The following FCRL2 variants were observed in gnomAD, a reference collection of about 807,000 sequenced individuals.
FCRL2 encodes the protein Fc receptor like 2, also known as Fc receptor-like protein 2.
A neutral mutation model predicts 59.8 loss-of-function variants in FCRL2; 48 were observed. The observed-to-expected ratio is 0.80, with a 90% CI of 0.64 to 1.02. The LOEUF is 1.02. Ranked by LOEUF, FCRL2 falls within the 50% of genes least tolerant of loss-of-function variation. The pLI, the probability that FCRL2 is intolerant of heterozygous loss-of-function variation, is 0.00. For synonymous variants in FCRL2, 251 were observed against 229.5 expected (o/e 1.09, Z -0.85); for missense variants, 658 against 597.3 (o/e 1.10, Z -1.06).
chr1:157,759,083 C>T (rs558731535), intron 7 of FCRL2, among the ~76,000 whole-genome samples: 1 of 152,294 alleles, frequency 6.6e-6, no homozygotes, highest in East Asian at 1.9e-4. Flanking sequence ...AATCATGGGG[C>T]TGGTTACCCC....
rs1297084927 is a variant in FCRL2 at position 157,767,223 on chromosome 1, C to T, written c.1162+8G>A. ...ATCAAACTCTGTATCCAGGTAACAC[C>T]CACCCACCTGAGATGGAGACTGGCA... On this transcript the variant is annotated splice_region_variant and intron_variant, in intron 6 of 11. Coordinates refer to ENST00000361516, the MANE Select transcript of FCRL2 (RefSeq NM_030764.4). 2 of 1,607,202 alleles carry T rather than the reference C, an allele frequency of 1.2e-6. No homozygotes were observed. The highest frequency in any genetic ancestry group is 1.7e-6 in the Non-Finnish European group (2 of 1,176,728).
At chr1:157,748,728 C>T in intron 9 of FCRL2, 110 bp from the exon 10 acceptor site, 1 of 1,212,112 alleles carries the variant, frequency 8.3e-7, no homozygotes, top group Non-Finnish European at 1.2e-6. Context: ...TCAACCCCAA[C>T]ATGATTCTGA....
intron 2 of FCRL2, among the ~76,000 whole-genome samples, chr1:157,774,845 G>C (rs1265404231): frequency 6.6e-6 from 1 of 152,084 alleles, no homozygotes; most frequent in East Asian, 1.9e-4. Context: ...TTCCCACACT[G>C]TTCCTTAGAG....
chr1:157,760,131 T>C (rs78718788), intron 7 of FCRL2, among the ~76,000 whole-genome samples: 2,707 of 152,282 alleles, frequency 0.018, 72 homozygotes, highest in African/African-American at 0.061. Context: ...GAGATTATGT[T>C]CTTTGCAGCA....
chr1:157,750,865 A>T (rs1430512815), intron 7 of FCRL2, among the ~76,000 whole-genome samples: 3 of 152,220 alleles, frequency 2.0e-5, no homozygotes, highest in Non-Finnish European at 2.9e-5. Context: ...CTATCTAAGC[A>T]CTTTTGAATA....
In FCRL2 at chr1:157,777,113, G is replaced by T; in HGVS notation, c.-40C>A. ...GCTATTTGAAAAGAGATGTACTCTT[G>T]GTCACCAACTGGAGACTCTGAGCAG... On this transcript the variant is annotated 5_prime_UTR_variant, in exon 1 of 12. Coordinates refer to ENST00000361516, the MANE Select transcript of FCRL2 (RefSeq NM_030764.4). 1 of 1,613,984 alleles carries T rather than the reference G, an allele frequency of 6.2e-7. No homozygotes were observed. The highest frequency in any genetic ancestry group is 1.1e-5 in the South Asian group (1 of 91,060).
chr1:157,749,107 A>C (rs1647991495), intron 8 of FCRL2, 147 bp from the exon 9 acceptor site: 3 of 579,762 alleles, frequency 5.2e-6, no homozygotes, highest in Non-Finnish European at 8.9e-6. Context: ...TAGACTATCT[A>C]CTTTGATATG....
At chr1:157,764,387 C>T (rs1649342394) in intron 7 of FCRL2, among the ~76,000 whole-genome samples, 1 of 152,144 alleles carries the variant, frequency 6.6e-6, no homozygotes, top group Non-Finnish European at 1.5e-5. Context: ...GGTAATTCAA[C>T]ACTTCACTCT....
At chr1:157,764,320 T>C (rs527280560) in intron 7 of FCRL2, among the ~76,000 whole-genome samples, 14 of 152,132 alleles carry the variant, frequency 9.2e-5, no homozygotes, top group Non-Finnish European at 2.9e-5. Context: ...CCCAAAATCA[T>C]AAAGTAAATA....
intron 2 of FCRL2, chr1:157,774,367 A>G (rs1650250932): frequency 2.2e-6 from 1 of 452,176 alleles, no homozygotes; most frequent in Non-Finnish European, 4.4e-6. Flanking sequence ...GCAGGTATAT[A>G]GCAAAGCCAT....
chr1:157,767,081 G>A (rs747954455), intron 6 of FCRL2, 110 bp from the exon 7 acceptor site: 92 of 1,324,734 alleles, frequency 6.9e-5, no homozygotes, highest in Non-Finnish European at 8.8e-5. Flanking sequence ...TCATTGAAGT[G>A]TAGTCTGTAC....
Position 157,770,651 on chromosome 1 carries a change from A to C in FCRL2, c.68T>G (p.Val23Gly). 1 of 1,614,154 alleles carries C rather than the reference A, an allele frequency of 6.2e-7. No homozygotes were observed. ...VTEQADSLTLVAPSSVFEGDS... is the reference protein window; with the variant it reads ...VTEQADSLTLGAPSSVFEGDS... ...TCCTTCGAAGACAGAAGAGGGCGCCACAAGGGTCAGCGAATCTGGAAGAGA... is the reference window on the plus strand; with the variant it reads ...TCCTTCGAAGACAGAAGAGGGCGCCCCAAGGGTCAGCGAATCTGGAAGAGA... Residue 23 changes from valine to glycine, a missense_variant, in exon 3 of 12, where the codon GTG becomes GGG. By Grantham distance (109) the Val-to-Gly change is moderately radical (BLOSUM62 -3). Transcript: ENST00000361516.
chr1:157,756,662 C>G (rs6427399), intron 7 of FCRL2, among the ~76,000 whole-genome samples: 2,638 of 138,132 alleles, frequency 0.019, 70 homozygotes, highest in African/African-American at 0.069. Context: ...CTGAGTAGCA[C>G]AGTGACACTT....
Position 157,746,731 on chromosome 1 carries a change from A to G in FCRL2, c.*5T>C, listed in dbSNP as rs777938206. Reference sequence around the variant, plus strand: ...GTTGATCTTCCCTTCTGATTCCTCCAAGTGTTATGATTTCTTCACAGAAGA... The same window carrying G: ...GTTGATCTTCCCTTCTGATTCCTCCGAGTGTTATGATTTCTTCACAGAAGA... On this transcript the variant is annotated 3_prime_UTR_variant, in exon 12 of 12. Coordinates refer to ENST00000361516, the MANE Select transcript of FCRL2 (RefSeq NM_030764.4). 3.1e-6 allele frequency: 5 copies of G among 1,613,402 alleles called. No individual in the cohort carries two copies. The highest frequency in any genetic ancestry group is 2.2e-5 in the South Asian group (2 of 91,060).
intron 1 of FCRL2, among the ~76,000 whole-genome samples, chr1:157,776,726 G>A (rs529180260): frequency 6.6e-6 from 1 of 152,302 alleles, no homozygotes; most frequent in African/African-American, 2.4e-5. Context: ...ATTGCTAAAT[G>A]CTAATATTAT....
chr1:157,766,126 A>C (rs796437143), intron 7 of FCRL2, among the ~76,000 whole-genome samples: 54 of 152,320 alleles, frequency 3.5e-4, no homozygotes, highest in African/African-American at 1.1e-3. Context: ...TTTATAAAAA[A>C]GGTGGCTAAA....
At chr1:157,764,530 C>T (rs1258465161) in intron 7 of FCRL2, among the ~76,000 whole-genome samples, 1 of 152,220 alleles carries the variant, frequency 6.6e-6, no homozygotes, top group East Asian at 1.9e-4. Flanking sequence ...GCATTTTTCT[C>T]ACTTGTACAT....
At chr1:157,749,402 T>A (rs1648011787) in intron 8 of FCRL2, among the ~76,000 whole-genome samples, 1 of 152,284 alleles carries the variant, frequency 6.6e-6, no homozygotes, top group South Asian at 2.1e-4. Flanking sequence ...CTTGAATATA[T>A]GAATTTATAT....
At chr1:157,762,259 A>G (rs1230517704) in intron 7 of FCRL2, among the ~76,000 whole-genome samples, 1 of 152,172 alleles carries the variant, frequency 6.6e-6, no homozygotes, top group Non-Finnish European at 1.5e-5. Flanking sequence ...TGCCCAGCCT[A>G]TCACAGCCAC....
Sources: allele counts gnomAD v4.1 joint callset (sites outside exome capture counted in the v4.1 genomes callset), GRCh38; gene constraint gnomAD v4.1.1; transcripts MANE v1.5; gene names NCBI Gene and HGNC (gene_info 2026-07-23, HGNC 2026-07-21).